Variants in LONP2 observed in about 807,000 individuals in gnomAD.
The protein encoded by LONP2 is lon protease homolog 2, peroxisomal.
Under a neutral mutation model 85.6 loss-of-function variants are expected in LONP2, and 60 were observed. The ratio of observed to expected loss-of-function variants is 0.70; its 90% CI spans 0.57 to 0.87. The LOEUF (loss-of-function observed/expected upper bound fraction) is 0.87. Ranked by LOEUF, LONP2 falls within the 40% of genes least tolerant of loss-of-function variation. The probability of loss-of-function intolerance (pLI) is 0.00; values close to 1 mark genes in which losing one functional copy is unlikely to be tolerated. For missense variants in LONP2, 860 were observed against 1,063.5 expected, an observed-to-expected ratio of 0.81 and a Z score of 2.66; for synonymous variants, 395 against 389.7, an observed-to-expected ratio of 1.01 and a Z score of -0.16.
intron 9 of LONP2, among the ~76,000 whole-genome samples, chr16:48,299,170 G>A (rs1433156187): frequency 6.6e-6 from 1 of 152,052 alleles, no homozygotes; most frequent in Admixed American, 6.5e-5. Flanking sequence ...AGGATTACAG[G>A]TGTGAGCTAA....
chr16:48,269,962 C>A lies in LONP2; in HGVS notation c.983-54C>A, dbSNP rs1230073523. Reference sequence around the variant, plus strand: ...GCCCTCGTCATGCTTGAAAGGAGTTCTTTAACTTAAAAATTTTATGTGTTC... The same window carrying A: ...GCCCTCGTCATGCTTGAAAGGAGTTATTTAACTTAAAAATTTTATGTGTTC... On this transcript the variant is annotated intron_variant, in intron 6 of 14. Transcript: ENST00000285737. 7.1e-6 allele frequency: 11 copies of A among 1,551,442 alleles called. No homozygotes were observed. The South Asian group carries it at 1.3e-4, about 18-fold the overall frequency.
intron 11 of LONP2, among the ~76,000 whole-genome samples, chr16:48,309,177 G>C (rs1972977252): frequency 6.6e-6 from 1 of 152,164 alleles, no homozygotes. Context: ...AGAAAAGGGA[G>C]TGCTTATATA....
chr16:48,336,213 C>T (rs1959644696), intron 12 of LONP2, among the ~76,000 whole-genome samples: 1 of 152,194 alleles, frequency 6.6e-6, no homozygotes. Context: ...ATTCCTGGAG[C>T]ATTAGCAAAG....
chr16:48,246,626 A>G (rs1971402382), intron 1 of LONP2, among the ~76,000 whole-genome samples: 1 of 152,156 alleles, frequency 6.6e-6, no homozygotes, highest in Non-Finnish European at 1.5e-5. Flanking sequence ...GCTGAAGTGC[A>G]GTGGCGTGAT....
chr16:48,295,630 T>A (rs1182608746), intron 8 of LONP2, among the ~76,000 whole-genome samples: 1 of 152,250 alleles, frequency 6.6e-6, no homozygotes, highest in Non-Finnish European at 1.5e-5. Context: ...CAAAATACTT[T>A]ACACATTTGC....
chr16:48,296,948 C>T (rs1218131368), intron 9 of LONP2, among the ~76,000 whole-genome samples: 1 of 151,420 alleles, frequency 6.6e-6, no homozygotes, highest in Non-Finnish European at 1.5e-5. Context: ...ATTGTTTTTC[C>T]CTGGAAGAGA....
rs1960285772 is a variant in LONP2 at position 48,354,957 on chromosome 16, T to C, written c.*3155T>C. ...TGTTTTGTCAAACAAAAACTAATAC[T>C]TTCCCTGGGAAAAAGCCATGTGGTA... On this transcript the variant is annotated 3_prime_UTR_variant, in exon 15 of 15. Coordinates refer to ENST00000285737, the MANE Select transcript of LONP2 (RefSeq NM_031490.5). 6.6e-6 allele frequency: 1 copy of C among 152,224 alleles called. No individual in the cohort carries two copies. The highest frequency in any genetic ancestry group is 2.4e-5 in the African/African-American group (1 of 41,462). The allele number at this position is 152,224 out of a possible 1,614,324, so 9.4% of individuals were successfully genotyped here. A position where few individuals can be genotyped will look rare whatever the true frequency, so the allele number is the denominator to read the frequency against.
chr16:48,306,654 A>G (rs538882241), intron 11 of LONP2, among the ~76,000 whole-genome samples: 1 of 152,288 alleles, frequency 6.6e-6, no homozygotes, highest in East Asian at 1.9e-4. Flanking sequence ...CCTTGAGTAA[A>G]TAACAGCCAT....
At chr16:48,246,463 A>T (rs1245748325) in intron 1 of LONP2, among the ~76,000 whole-genome samples, 5 of 152,250 alleles carry the variant, frequency 3.3e-5, no homozygotes, top group Non-Finnish European at 7.3e-5. Flanking sequence ...ATATGTATTG[A>T]TTAGCCATGG....
chr16:48,359,313 C>A (rs190455168), downstream of LONP2, among the ~76,000 whole-genome samples: 134 of 152,306 alleles, frequency 8.8e-4, no homozygotes, highest in Admixed American at 3.9e-3. Flanking sequence ...TATAATGTAA[C>A]CCTTTCACCA....
chr16:48,264,319 GC>G (rs1409051977), intron 6 of LONP2, among the ~76,000 whole-genome samples: 1 of 152,252 alleles, frequency 6.6e-6, no homozygotes, highest in East Asian at 1.9e-4. Flanking sequence ...CCCCGGGGGG[GC>G]CAGTTCAGAG....
chr16:48,326,582 T>C (rs186072108), intron 11 of LONP2, among the ~76,000 whole-genome samples: 10 of 152,284 alleles, frequency 6.6e-5, no homozygotes, highest in African/African-American at 1.9e-4. Context: ...ATAGTCTCCA[T>C]TTCTACCACA....
intron 7 of LONP2, among the ~76,000 whole-genome samples, chr16:48,270,866 G>T (rs1013878568): frequency 1.3e-5 from 2 of 152,120 alleles, no homozygotes; most frequent in Non-Finnish European, 2.9e-5. Context: ...AGTGGCTCAT[G>T]CCTGTAATCC....
rs532403710 is a variant in LONP2, at chr16:48,356,689, G to T, written c.*4887G>T. 5.1e-6 allele frequency: 2 copies of T among 392,210 alleles called. No individual in the cohort carries two copies. The highest frequency in any genetic ancestry group is 7.5e-5 in the East Asian group (1 of 13,370). 24.3% of individuals were successfully genotyped at this position (392,210 alleles called of 1,614,324 possible). On this transcript the variant is annotated 3_prime_UTR_variant, in exon 15 of 15. Transcript: ENST00000285737. ...GAGGAAGGAAATATCAAAAAGGTCT[G>T]AATAGACAACAGGCAAATATGGTGA...
intron 12 of LONP2, chr16:48,345,430 G>T (rs1959932368): frequency 1.3e-5 from 2 of 152,098 alleles, no homozygotes; most frequent in Admixed American, 6.5e-5. Flanking sequence ...GTCTAATTTG[G>T]GTGACAGATT....
intron 8 of LONP2, among the ~76,000 whole-genome samples, chr16:48,281,420 T>C (rs1972325162): frequency 6.6e-6 from 1 of 152,142 alleles, no homozygotes; most frequent in African/African-American, 2.4e-5. Context: ...ACTACTTAAT[T>C]AATAAATGGT....
At chr16:48,271,801 G>C (rs1972111935) in intron 7 of LONP2, among the ~76,000 whole-genome samples, 1 of 152,166 alleles carries the variant, frequency 6.6e-6, no homozygotes. Flanking sequence ...TCAGAGTAGA[G>C]AATTGATTTG....
At chr16:48,268,111 A>T (rs1972029175) in intron 6 of LONP2, among the ~76,000 whole-genome samples, 1 of 152,178 alleles carries the variant, frequency 6.6e-6, no homozygotes, top group South Asian at 2.1e-4. Flanking sequence ...AATTTGAAAA[A>T]TTTTTTACAT....
intron 11 of LONP2, among the ~76,000 whole-genome samples, chr16:48,307,393 C>T (rs1011215656): frequency 6.6e-6 from 1 of 152,162 alleles, no homozygotes. Flanking sequence ...AAGAAAGACA[C>T]AAATGTCCCA....
Sources: allele counts gnomAD v4.1 joint callset (sites outside exome capture counted in the v4.1 genomes callset), GRCh38; gene constraint gnomAD v4.1.1; transcripts MANE v1.5; gene names NCBI Gene and HGNC (gene_info 2026-07-23, HGNC 2026-07-21).